The following GRIK2 variants were observed in gnomAD, a reference collection of about 807,000 sequenced individuals.
GRIK2 encodes the protein glutamate ionotropic receptor kainate type subunit 2.
Under a neutral mutation model 100.3 loss-of-function variants are expected in GRIK2, and 32 were observed. The observed-to-expected ratio is 0.32, with a 90% confidence interval of 0.24 to 0.43. GRIK2 has a LOEUF of 0.43. Ranked by LOEUF, GRIK2 falls within the 20% of genes least tolerant of loss-of-function variation. The probability of loss-of-function intolerance (pLI) is 1.00; values close to 1 mark genes in which losing one functional copy is unlikely to be tolerated. For synonymous variants in GRIK2, 417 were observed against 389.4 expected, an observed-to-expected ratio of 1.07 and a Z score of -0.83; for missense variants, 843 against 1,114.9, an observed-to-expected ratio of 0.76 and a Z score of 3.47.
At chr6:101,581,256 A>G (rs1358878421) in intron 2 of GRIK2, among the ~76,000 whole-genome samples, 1 of 150,724 alleles carries the variant, frequency 6.6e-6, no homozygotes, top group Non-Finnish European at 1.5e-5. Flanking sequence ...ATATATACAC[A>G]TATATCTACA....
At chr6:102,051,445 C>T (rs1323496511) in intron 15 of GRIK2, among the ~76,000 whole-genome samples, 1 of 151,936 alleles carries the variant, frequency 6.6e-6, no homozygotes, top group Non-Finnish European at 1.5e-5. Flanking sequence ...AAGAAAGTCC[C>T]ACTGAGAGCA....
Position 101,802,390 on chromosome 6 carries a change from A to G in GRIK2, c.1155A>G (p.Thr385=). ...ITFNKTNGLR[T]DFDLDVISLK... ...TCAACAAAACCAATGGCTTGAGAAC[A>G]GATTTTGATTTGGATGTGATCAGTC... The change falls in exon 9 of 17, where the codon ACA becomes ACG. Residue 385 remains threonine (T), a synonymous_variant. Transcript: ENST00000369134. 1 of 1,591,390 alleles carries G rather than the reference A, an allele frequency of 6.3e-7. No individual in the cohort carries two copies.
intron 10 of GRIK2, among the ~76,000 whole-genome samples, chr6:101,836,136 T>G (rs1783075756): frequency 6.6e-6 from 1 of 151,962 alleles, no homozygotes. Context: ...GTCATTCTGA[T>G]TCTTAACCTT....
At chr6:101,668,080 C>A (rs1471148642) in intron 4 of GRIK2, among the ~76,000 whole-genome samples, 1 of 152,132 alleles carries the variant, frequency 6.6e-6, no homozygotes, top group Admixed American at 6.6e-5. Flanking sequence ...AAGGCAATAT[C>A]TCTGTAAAAT....
chr6:101,777,548 CA>C (rs1446524233), intron 7 of GRIK2, among the ~76,000 whole-genome samples: 2 of 152,036 alleles, frequency 1.3e-5, no homozygotes, highest in East Asian at 3.9e-4. Context: ...TTTAGATCAT[CA>C]TATTTAATTT....
intron 7 of GRIK2, among the ~76,000 whole-genome samples, chr6:101,778,637 A>G (rs1486340447): frequency 2.0e-5 from 3 of 152,186 alleles, no homozygotes; most frequent in South Asian, 2.1e-4. Context: ...CCAGAAGAAA[A>G]AAATAAACAT....
intron 2 of GRIK2, among the ~76,000 whole-genome samples, chr6:101,529,039 T>C (rs1398544741): frequency 2.0e-5 from 3 of 152,120 alleles, no homozygotes; most frequent in South Asian, 2.1e-4. Context: ...GTGGTCCAGA[T>C]GGAGTATTAA....
At chr6:101,441,217 C>A (rs1770031904) in intron 2 of GRIK2, among the ~76,000 whole-genome samples, 1 of 152,048 alleles carries the variant, frequency 6.6e-6, no homozygotes, top group Non-Finnish European at 1.5e-5. Context: ...CAGGTTGGTC[C>A]TCGCTGTGAG....
chr6:101,424,313 TC>T (rs1472497157), intron 2 of GRIK2, among the ~76,000 whole-genome samples: 8 of 150,744 alleles, frequency 5.3e-5, no homozygotes, highest in Non-Finnish European at 1.0e-4. Flanking sequence ...ATGCTATCCC[TC>T]CCCCATCCCC....
intron 7 of GRIK2, among the ~76,000 whole-genome samples, chr6:101,725,908 T>C (rs1774830264): frequency 6.6e-6 from 1 of 152,022 alleles, no homozygotes; most frequent in African/African-American, 2.4e-5. Flanking sequence ...AATTTTTCTT[T>C]TGCTTTTCAT....
intron 15 of GRIK2, among the ~76,000 whole-genome samples, chr6:102,045,206 A>G (rs1770819578): frequency 6.6e-6 from 1 of 152,086 alleles, no homozygotes; most frequent in African/African-American, 2.4e-5. Flanking sequence ...CATAAAATTT[A>G]GCAAGTTTTT....
chr6:101,988,865 G>T (rs1351184263), intron 14 of GRIK2, among the ~76,000 whole-genome samples: 1 of 151,860 alleles, frequency 6.6e-6, no homozygotes, highest in East Asian at 1.9e-4. Flanking sequence ...TGAAGTCAAA[G>T]TATAATGAAT....
At chr6:101,458,073 G>C (rs939747405) in intron 2 of GRIK2, among the ~76,000 whole-genome samples, 4 of 151,818 alleles carry the variant, frequency 2.6e-5, no homozygotes, top group African/African-American at 4.8e-5. Flanking sequence ...GTGCATATTT[G>C]AAAAATATTA....
chr6:101,693,889 A>G (rs747393653), intron 7 of GRIK2, among the ~76,000 whole-genome samples: 38 of 152,112 alleles, frequency 2.5e-4, no homozygotes, highest in Non-Finnish European at 5.3e-4. Context: ...GGGGTGGCAT[A>G]TCCTGAACTC....
intron 15 of GRIK2, among the ~76,000 whole-genome samples, chr6:102,036,099 A>G (rs1770253732): frequency 6.6e-6 from 1 of 151,440 alleles, no homozygotes; most frequent in South Asian, 2.1e-4. Context: ...CCCTTCTTTC[A>G]TATGGCAAAT....
intron 14 of GRIK2, among the ~76,000 whole-genome samples, chr6:102,006,390 A>ATATATATATTT (rs1315524835): frequency 3.3e-4 from 38 of 114,082 alleles, no homozygotes; most frequent in African/African-American, 1.6e-3. Context: ...ATATATATAT[A>ATATATATATTT]TTTTTTTTTT....
chr6:102,008,497 G>A (rs1795359338), intron 14 of GRIK2, among the ~76,000 whole-genome samples: 1 of 152,024 alleles, frequency 6.6e-6, no homozygotes, highest in Admixed American at 6.6e-5. Flanking sequence ...GACACACCAA[G>A]AGGTAAGCAC....
At chr6:101,778,025 C>A (rs1372869958) in intron 7 of GRIK2, among the ~76,000 whole-genome samples, 1 of 152,054 alleles carries the variant, frequency 6.6e-6, no homozygotes, top group African/African-American at 2.4e-5. Flanking sequence ...TTTAAATGAA[C>A]TTTATGGTTG....
intron 2 of GRIK2, among the ~76,000 whole-genome samples, chr6:101,401,376 TCA>T (rs1262736636): frequency 2.6e-5 from 4 of 151,908 alleles, no homozygotes; most frequent in Admixed American, 6.6e-5. Context: ...GCTCTCTCTC[TCA>T]CACACACGCA....
Sources: gnomAD v4.1 joint callset for allele counts (sites outside exome capture counted in the v4.1 genomes callset) on GRCh38, gnomAD v4.1.1 for gene constraint, MANE v1.5 for transcripts, NCBI Gene and HGNC (gene_info 2026-07-23, HGNC 2026-07-21) for gene names.